Variants in BANK1 observed in about 807,000 individuals in gnomAD.
The protein encoded by BANK1 is B cell scaffold protein with ankyrin repeats 1.
In BANK1, 95 loss-of-function variants were observed where a neutral mutation model predicts 94.5. The observed-to-expected ratio is 1.00, with a 90% CI of 0.85 to 1.19. The LOEUF (loss-of-function observed/expected upper bound fraction) is 1.19. BANK1 is among the 50% of genes most tolerant of loss of function. BANK1 has a pLI of 0.00. For missense variants in BANK1, 987 were observed against 932.2 expected, an observed-to-expected ratio of 1.06 and a Z score of -0.77; for synonymous variants, 334 against 308.4, an observed-to-expected ratio of 1.08 and a Z score of -0.87.
intron 7 of BANK1, among the ~76,000 whole-genome samples, chr4:101,951,024 TGTA>T (rs1350136306): frequency 1.3e-5 from 2 of 152,102 alleles, no homozygotes; most frequent in African/African-American, 4.8e-5. Flanking sequence ...CCAAATGTAA[TGTA>T]GTATCCTGGA....
rs533899348 is a variant in BANK1 at position 101,937,677 on chromosome 4, G to T, written c.1206+19488G>T. On this transcript the variant is annotated intron_variant, in intron 7 of 16. Transcript: ENST00000322953. ...TAGTTCAACCATTGTGGAAGACAAC[G>T]TGGTGATCCCTCAAGGATCTAGGAC... 8.6e-5 allele frequency among the ~76,000 whole-genome samples: 13 copies of T among 151,970 alleles called. 1 individual carries two copies. The highest frequency in any genetic ancestry group is 3.3e-4 in the Admixed American group (5 of 15,250).
chr4:102,032,898 A>T (rs1417740781), intron 10 of BANK1, among the ~76,000 whole-genome samples: 2 of 64,240 alleles, frequency 3.1e-5, no homozygotes, highest in Non-Finnish European at 8.1e-5. Flanking sequence ...ATATAAAAAT[A>T]AAAAAAAAAA....
chr4:101,881,222 A>G (rs1728663947), intron 5 of BANK1, among the ~76,000 whole-genome samples: 1 of 152,064 alleles, frequency 6.6e-6, no homozygotes, highest in Non-Finnish European at 1.5e-5. Flanking sequence ...AAACAACCCT[A>G]TGGAAAAAAA....
At chr4:101,820,462 A>G (rs972203831) in intron 1 of BANK1, among the ~76,000 whole-genome samples, 3 of 152,088 alleles carry the variant, frequency 2.0e-5, no homozygotes, top group African/African-American at 7.2e-5. Flanking sequence ...GTTTTTAAAA[A>G]TGTTCCTTTT....
chr4:101,991,248 A>G (rs1725695147), intron 7 of BANK1, among the ~76,000 whole-genome samples: 3 of 152,232 alleles, frequency 2.0e-5, no homozygotes, highest in Admixed American at 1.3e-4. Context: ...GTGTGAACCC[A>G]TAAGAACCCT....
intron 7 of BANK1, among the ~76,000 whole-genome samples, chr4:101,963,799 A>T (rs1724652367): frequency 6.6e-6 from 1 of 151,854 alleles, no homozygotes; most frequent in South Asian, 2.1e-4. Context: ...TACTCAATTG[A>T]CCCTCCTGTA....
Position 101,900,432 on chromosome 4 carries a change from C to T in BANK1, c.1009+5022C>T, listed in dbSNP as rs982329530. On this transcript the variant is annotated intron_variant, in intron 6 of 16. Transcript: ENST00000322953. ...AGACAAAATATTACTCTTGCTGTTACGCAGAGAATAGATGATGGTGTGTAA... is the reference window on the plus strand; with the variant it reads ...AGACAAAATATTACTCTTGCTGTTATGCAGAGAATAGATGATGGTGTGTAA... Among the ~76,000 whole-genome samples the T allele has an allele frequency of 1.4e-4, 22 of 152,090 alleles. 1 individual carries two copies. Among genetic ancestry groups the T allele is most frequent in the Admixed American group, 5.9e-4 (9 of 15,266 alleles).
intron 1 of BANK1, among the ~76,000 whole-genome samples, chr4:101,823,355 A>G (rs974213220): frequency 1.3e-5 from 2 of 152,224 alleles, no homozygotes; most frequent in African/African-American, 4.8e-5. Context: ...TTATGAATAT[A>G]TATACTTACC....
chr4:101,847,736 T>TACACAC (rs35196238), intron 2 of BANK1, among the ~76,000 whole-genome samples: 1,812 of 145,852 alleles, frequency 0.012, 18 homozygotes, highest in East Asian at 0.035. Context: ...TATTCCATCA[T>TACACAC]ACACACACAC....
chr4:101,826,163 C>A (rs565264958), intron 1 of BANK1, among the ~76,000 whole-genome samples: 57 of 152,146 alleles, frequency 3.7e-4, no homozygotes, highest in African/African-American at 1.3e-3. Flanking sequence ...AACCCAGACT[C>A]CCAGTAAGCC....
At chr4:101,860,476 G>C (rs60448423) in intron 3 of BANK1, among the ~76,000 whole-genome samples, 52,245 of 151,632 alleles carry the variant, frequency 0.34, 9,310 homozygotes, top group African/African-American at 0.39. Context: ...TGTCGCCCAG[G>C]CTGGAGTGCA....
chr4:101,877,841 C>A (rs559227027), intron 5 of BANK1, among the ~76,000 whole-genome samples: 1 of 152,074 alleles, frequency 6.6e-6, no homozygotes, highest in East Asian at 1.9e-4. Context: ...GCCAAGATTG[C>A]GCCACTGCAC....
At chr4:101,848,550 AT>A (rs1223155722) in intron 2 of BANK1, among the ~76,000 whole-genome samples, 1 of 152,238 alleles carries the variant, frequency 6.6e-6, no homozygotes, top group Non-Finnish European at 1.5e-5. Flanking sequence ...GAAAGGAAAG[AT>A]TAGGCACTAG....
intron 2 of BANK1, among the ~76,000 whole-genome samples, chr4:101,832,763 AATGT>A (rs1726669774): frequency 6.6e-6 from 1 of 152,072 alleles, no homozygotes; most frequent in Non-Finnish European, 1.5e-5. Context: ...TTCACGGTGA[AATGT>A]TTGGTTACAA....
intron 10 of BANK1, among the ~76,000 whole-genome samples, chr4:102,034,780 G>A (rs116662665): frequency 0.05 from 7,585 of 152,192 alleles, 224 homozygotes; most frequent in Middle Eastern, 0.092. Context: ...AAGTGCCAAC[G>A]TCTTTCCCAA....
At chr4:101,869,775 A>G (rs973993929) in intron 4 of BANK1, among the ~76,000 whole-genome samples, 3 of 151,956 alleles carry the variant, frequency 2.0e-5, no homozygotes, top group Non-Finnish European at 4.4e-5. Flanking sequence ...AAAGAATTAC[A>G]TTTTGTTTAG....
At chr4:101,797,545 G>T (rs1725199379) in intron 1 of BANK1, among the ~76,000 whole-genome samples, 1 of 152,172 alleles carries the variant, frequency 6.6e-6, no homozygotes, top group African/African-American at 2.4e-5. Flanking sequence ...ACAGGGAGAA[G>T]TGGACAGATT....
At chr4:101,956,467 C>T (rs946088971) in intron 7 of BANK1, among the ~76,000 whole-genome samples, 2 of 152,126 alleles carry the variant, frequency 1.3e-5, no homozygotes, top group African/African-American at 4.8e-5. Context: ...AAAAGATCCT[C>T]GCTCATCCAA....
At chr4:101,868,478 G>A (rs1560608933) in intron 4 of BANK1, among the ~76,000 whole-genome samples, 1 of 151,912 alleles carries the variant, frequency 6.6e-6, no homozygotes, top group Non-Finnish European at 1.5e-5. Flanking sequence ...TAAAGCAAAA[G>A]CTGCTGGAAT....
Sources: gnomAD v4.1 joint callset for allele counts (sites outside exome capture counted in the v4.1 genomes callset) on GRCh38, gnomAD v4.1.1 for gene constraint, MANE v1.5 for transcripts, NCBI Gene and HGNC (gene_info 2026-07-23, HGNC 2026-07-21) for gene names.